Variants in LRRC40 observed in about 807,000 individuals in gnomAD.
LRRC40 encodes the protein leucine-rich repeat-containing protein 40.
A neutral mutation model predicts 72.8 loss-of-function variants in LRRC40; 76 were observed. That is an observed-to-expected ratio of 1.04 (90% CI 0.87 to 1.26). The LOEUF (loss-of-function observed/expected upper bound fraction) is 1.26, where lower values mean the gene tolerates loss of function less well. Among genes scored for constraint, LRRC40 ranks in the 50% most tolerant of loss-of-function variants. The pLI, the probability that LRRC40 is intolerant of heterozygous loss-of-function variation, is 0.00. For synonymous variants in LRRC40, 243 were observed against 254.2 expected, an observed-to-expected ratio of 0.96 and a Z score of 0.42; for missense variants, 684 against 698.9, an observed-to-expected ratio of 0.98 and a Z score of 0.24.
Position 70,175,926 on chromosome 1 carries a change from A to T in LRRC40, c.861T>A (p.His287Gln). ...GGTCTAGCACAAGAATTGAATTCAG[A>T]TGTTTAAGATGTTCTGCCTCTAACA... ...IEMLEAEHLK[H>Q]LNSILVLDLR... Residue 287 changes from histidine (H) to glutamine (Q), a missense_variant, in exon 7 of 15, where the codon CAT becomes CAA. Coordinates refer to ENST00000370952, the MANE Select transcript of LRRC40 (RefSeq NM_017768.5). 6.3e-7 allele frequency: 1 copy of T among 1,595,932 alleles called. No homozygotes were observed. Among genetic ancestry groups the T allele is most frequent in the Non-Finnish European group, 8.5e-7 (1 of 1,174,624 alleles).
intron 11 of LRRC40, among the ~76,000 whole-genome samples, chr1:70,155,369 A>T (rs1571439983): frequency 1.3e-5 from 2 of 152,200 alleles, no homozygotes; most frequent in Admixed American, 1.3e-4. Flanking sequence ...TCATTATGTG[A>T]GAGTATATAT....
At chr1:70,163,572 T>C (rs1440651710) in intron 9 of LRRC40, among the ~76,000 whole-genome samples, 1 of 152,210 alleles carries the variant, frequency 6.6e-6, no homozygotes, top group African/African-American at 2.4e-5. Context: ...CTTGTGATTA[T>C]ATTGGGCCAA....
intron 9 of LRRC40, among the ~76,000 whole-genome samples, chr1:70,162,964 A>C (rs1347200142): frequency 6.6e-6 from 1 of 152,230 alleles, no homozygotes; most frequent in Non-Finnish European, 1.5e-5. Flanking sequence ...TAGTGACTTA[A>C]AACACACAAA....
chr1:70,157,831 T>C (rs1280961440), intron 10 of LRRC40, among the ~76,000 whole-genome samples: 5 of 151,992 alleles, frequency 3.3e-5, no homozygotes, highest in Non-Finnish European at 2.9e-5. Flanking sequence ...TGGCCAGGCA[T>C]GGTGGCTTAT....
rs77643374 is a variant in LRRC40 at position 70,160,992 on chromosome 1, G to C, written c.1112-1554C>G. On this transcript the variant is annotated intron_variant, in intron 9 of 14. Coordinates refer to ENST00000370952, the MANE Select transcript of LRRC40 (RefSeq NM_017768.5). ...ATAGAAGATCCTATAGGTTTCCAGA[G>C]AGAGAGAAAAAAAAAAGTTGTAATT... is the stretch of plus-strand genomic sequence containing the variant. Among the ~76,000 whole-genome samples the C allele has an allele frequency of 8.3e-3, 1,239 of 149,974 alleles. 17 individuals carry two copies. Among genetic ancestry groups the C allele is most frequent in the African/African-American group, 0.029 (1,182 of 40,944 alleles).
At chr1:70,176,143 G>A (rs941280682) in intron 6 of LRRC40, among the ~76,000 whole-genome samples, 161 bp from the exon 7 acceptor site, 1 of 152,138 alleles carries the variant, frequency 6.6e-6, no homozygotes, top group South Asian at 2.1e-4. Context: ...ATTATATTTA[G>A]GCTATCTTTC....
At chr1:70,173,569 CAT>C (rs1668042621) in intron 8 of LRRC40, 51 bp downstream of exon 8, 2 of 1,490,638 alleles carry the variant, frequency 1.3e-6, no homozygotes, top group African/African-American at 1.4e-5. Flanking sequence ...TACAGATCAA[CAT>C]ATATGTCTGA....
chr1:70,157,574 C>G (rs763455182), intron 10 of LRRC40, among the ~76,000 whole-genome samples: 76 of 152,130 alleles, frequency 5.0e-4, no homozygotes, highest in Admixed American at 1.4e-3. Context: ...AGCATATGTA[C>G]CTAGTACAAC....
chr1:70,156,601 C>G (rs1667642021), intron 10 of LRRC40, among the ~76,000 whole-genome samples: 3 of 151,726 alleles, frequency 2.0e-5, no homozygotes, highest in African/African-American at 4.8e-5. Context: ...TTATCCAGAC[C>G]CCCCGGGGAT....
intron 2 of LRRC40, among the ~76,000 whole-genome samples, chr1:70,188,855 C>G (rs1307033052): frequency 6.6e-6 from 1 of 152,136 alleles, no homozygotes; most frequent in Non-Finnish European, 1.5e-5. Context: ...GATGTGGAGA[C>G]TAAGGCACAG....
In LRRC40 at chr1:70,173,680, A is replaced by C. The variant is rs1668045534; in HGVS notation, c.1007T>G (p.Leu336Trp). 1 of 1,566,380 alleles carries C rather than the reference A, an allele frequency of 6.4e-7. No homozygotes were observed. Among genetic ancestry groups the C allele is most frequent in the Non-Finnish European group, 8.7e-7 (1 of 1,147,928 alleles). The change falls in exon 8 of 15, where the codon TTG becomes TGG. Residue 336 changes from leucine to tryptophan, a missense_variant. Physicochemically the swap from Leu to Trp is moderately conservative, Grantham distance 61. Transcript: ENST00000370952. ...SLPYSLGNLH[L>W]KFLALEGNPL... ...ATTTCCTTCTAATGCCAAAAATTTCAAATGAAGGTTCCCCAATGAATAGGG... is the reference window on the plus strand; with the variant it reads ...ATTTCCTTCTAATGCCAAAAATTTCCAATGAAGGTTCCCCAATGAATAGGG...
chr1:70,175,887 CT>C lies in LRRC40; in HGVS notation c.899del (p.Lys300SerfsTer2). 1 of 1,603,800 alleles carries C rather than the reference CT, an allele frequency of 6.2e-7. No homozygotes were observed. Among genetic ancestry groups the C allele is most frequent in the Non-Finnish European group, 8.5e-7 (1 of 1,176,174 alleles). On this transcript the variant is annotated frameshift_variant, in exon 7 of 15. Coordinates refer to ENST00000370952, the MANE Select transcript of LRRC40 (RefSeq NM_017768.5). LOFTEE classifies it high-confidence loss of function. ...TAATTTCATCTGGAACAGATTTTAA[CT>C]TGTTATCCCTCAGGTCTAGCACAAG... ...SILVLDLRDN[K>X]LKSVPDEIIL...
At chr1:70,188,386 C>T (rs72678610) in intron 2 of LRRC40, among the ~76,000 whole-genome samples, 5 of 152,194 alleles carry the variant, frequency 3.3e-5, no homozygotes, top group Non-Finnish European at 7.4e-5. Flanking sequence ...AGGTTGAAGG[C>T]AAGTAATACA....
At chr1:70,191,828 T>C (rs1378802312) in intron 1 of LRRC40, among the ~76,000 whole-genome samples, 1 of 152,136 alleles carries the variant, frequency 6.6e-6, no homozygotes, top group Admixed American at 6.5e-5. Context: ...AAAATTACTA[T>C]GGAGTTGGAT....
intron 1 of LRRC40, among the ~76,000 whole-genome samples, chr1:70,193,346 A>C (rs1280954249): frequency 6.6e-6 from 1 of 152,054 alleles, no homozygotes; most frequent in Non-Finnish European, 1.5e-5. Flanking sequence ...TATATTATGA[A>C]CAACTTTATG....
intron 9 of LRRC40, among the ~76,000 whole-genome samples, chr1:70,161,451 C>A (rs1667760412): frequency 6.6e-6 from 1 of 150,490 alleles, no homozygotes; most frequent in African/African-American, 2.4e-5. Context: ...ACTAGGGAGG[C>A]TGAGGCAGGA....
intron 11 of LRRC40, among the ~76,000 whole-genome samples, chr1:70,155,184 T>C (rs1018480287): frequency 2.0e-5 from 3 of 152,186 alleles, no homozygotes; most frequent in African/African-American, 7.2e-5. Flanking sequence ...TGACTGCATG[T>C]GAAGAATCCT....
chr1:70,158,016 G>A (rs1333295722), intron 10 of LRRC40, among the ~76,000 whole-genome samples: 1 of 146,320 alleles, frequency 6.8e-6, no homozygotes. Flanking sequence ...TGGGGGAATC[G>A]CTTGAGCCAG....
chr1:70,151,979 A>G (rs1472287742), intron 12 of LRRC40: 2 of 152,516 alleles, frequency 1.3e-5, no homozygotes, highest in African/African-American at 4.8e-5. Context: ...CCTAATATGT[A>G]AAGTCATACT....
Sources: gnomAD v4.1 joint callset for allele counts (sites outside exome capture counted in the v4.1 genomes callset) on GRCh38, gnomAD v4.1.1 for gene constraint, MANE v1.5 for transcripts, NCBI Gene and HGNC (gene_info 2026-07-23, HGNC 2026-07-21) for gene names.